The following SNED1 variants were observed in gnomAD, a reference collection of about 807,000 sequenced individuals.
SNED1 encodes the protein sushi, nidogen and EGF-like domain-containing protein 1.
SNED1 carries 81 observed loss-of-function variants against 166.7 expected under a neutral mutation model. The observed-to-expected ratio is 0.49, with a 90% CI of 0.41 to 0.58. The LOEUF (loss-of-function observed/expected upper bound fraction) is 0.58, where lower values mean the gene tolerates loss of function less well. SNED1 is among the 20% of genes least tolerant of loss of function. The probability of loss-of-function intolerance (pLI) is 0.00; values close to 1 mark genes in which losing one functional copy is unlikely to be tolerated. For synonymous variants in SNED1, 762 were observed against 822.0 expected, an observed-to-expected ratio of 0.93 and a Z score of 1.25; for missense variants, 1,604 against 2,000.2, an observed-to-expected ratio of 0.80 and a Z score of 3.78.
intron 1 of SNED1, among the ~76,000 whole-genome samples, chr2:241,011,476 A>T (rs1167783044): frequency 3.3e-5 from 5 of 152,220 alleles, no homozygotes; most frequent in Non-Finnish European, 7.3e-5. Flanking sequence ...CCGCCCCCGA[A>T]GTCAGGACGA....
intron 27 of SNED1, among the ~76,000 whole-genome samples, chr2:241,080,233 G>A (rs1234729285): frequency 1.3e-5 from 2 of 152,124 alleles, no homozygotes; most frequent in African/African-American, 4.8e-5. Context: ...ACAGTGAGCT[G>A]AGATCGCGAC....
At position 241,068,946 on chromosome 2, in the gene SNED1, T is replaced by C; in HGVS notation, c.3230T>C (p.Leu1077Pro). Residue 1077 changes from leucine to proline, a missense_variant, in exon 23 of 32, where the codon CTG (leucine) becomes CCG (proline). By Grantham distance (98) the Leu-to-Pro change is moderately conservative (BLOSUM62 -3). Around this residue, in one of 2 missense-constraint regions of SNED1, gnomAD observed 1,237 missense variants for 1,620.8 expected, o/e 0.76. Coordinates refer to ENST00000310397, the MANE Select transcript of SNED1 (RefSeq NM_001080437.3). This position sits in a 1 kb window ranked among gnomAD's most constrained non-coding sequence, Gnocchi z 5.3. ...CCTGGGAAGAGGTACACCATCCAGC[T>C]GACCACCCTCAGTGGGCTCAGGGGA... The part of the protein sequence containing the change: ...LLPGKRYTIQ[L>P]TTLSGLRGEE... 1 of 1,555,652 alleles carries C rather than the reference T, an allele frequency of 6.4e-7. No individual in the cohort carries two copies. The highest frequency in any genetic ancestry group is 8.7e-7 in the Non-Finnish European group (1 of 1,149,820).
chr2:241,037,067 G>A (rs949024160), intron 5 of SNED1, among the ~76,000 whole-genome samples, 152 bp downstream of exon 5: 3 of 152,104 alleles, frequency 2.0e-5, no homozygotes, highest in Non-Finnish European at 4.4e-5. Flanking sequence ...GGACCACTGG[G>A]GACCAAAGGC....
chr2:241,081,696 A>G lies in SNED1; in HGVS notation c.3936A>G (p.Ser1312=), dbSNP rs2063337232. Residue 1312 remains serine, a synonymous_variant, in exon 28 of 32, where the codon TCA becomes TCG. Coordinates refer to ENST00000310397, the MANE Select transcript of SNED1 (RefSeq NM_001080437.3). ...KDIGNVPGNC[S]ENPCQNGGTC... is the part of the protein sequence containing the mutation. The stretch of plus-strand genomic sequence containing the variant: ...TTCCAGACGTCCCTGGCAACTGTTC[A>G]GAAAACCCCTGTCAGAACGGAGGCA... 1.2e-6 allele frequency: 2 copies of G among 1,607,190 alleles called. No individual in the cohort carries two copies. The highest frequency in any genetic ancestry group is 1.7e-5 in the Admixed American group (1 of 59,148).
intron 1 of SNED1, among the ~76,000 whole-genome samples, chr2:241,003,021 C>T (rs949905176): frequency 6.6e-6 from 1 of 152,002 alleles, no homozygotes; most frequent in East Asian, 1.9e-4. Flanking sequence ...AGCCTGCCCT[C>T]CTCTGTGCAG....
At chr2:241,089,911 A>C (rs2063804141) in intron 31 of SNED1, 3 of 1,528,298 alleles carry the variant, frequency 2.0e-6, no homozygotes, top group Non-Finnish European at 2.6e-6. Context: ...ACACAGTGCC[A>C]AGTGTGTGTG....
At chr2:241,008,473 G>C (rs2060289175) in intron 1 of SNED1, among the ~76,000 whole-genome samples, 1 of 152,218 alleles carries the variant, frequency 6.6e-6, no homozygotes, top group African/African-American at 2.4e-5. Flanking sequence ...GGGTGTCCTG[G>C]TGTTCTGACT....
rs2062546864 is a variant in SNED1, at chr2:241,068,259, C to G, written c.3194+312C>G. 6.6e-6 allele frequency among the ~76,000 whole-genome samples: 1 copy of G among 151,892 alleles called. No homozygotes were observed. The highest frequency in any genetic ancestry group is 6.5e-5 in the Admixed American group (1 of 15,276). Reference sequence around the variant, plus strand: ...AGATCATGAGAGTGACTTGGCCCCTCAGAGAGCAGCGGCCAGCGAGGGTAG... The same window carrying G: ...AGATCATGAGAGTGACTTGGCCCCTGAGAGAGCAGCGGCCAGCGAGGGTAG... On this transcript the variant is annotated intron_variant, in intron 22 of 31. Transcript: ENST00000310397. This position sits in a 1 kb window ranked among gnomAD's most constrained non-coding sequence, Gnocchi z 5.3.
intron 6 of SNED1, among the ~76,000 whole-genome samples, chr2:241,037,719 A>C (rs60715279): frequency 6.6e-6 from 1 of 152,082 alleles, no homozygotes; most frequent in Non-Finnish European, 1.5e-5. Flanking sequence ...ACCCCCTCTC[A>C]GCCCAGGACC....
intron 28 of SNED1, 115 bp downstream of exon 28, chr2:241,081,908 A>ACTCCCTGTCTGG: frequency 1.3e-6 from 1 of 787,100 alleles, no homozygotes; most frequent in Non-Finnish European, 2.1e-6. Context: ...GAGGTGCCAG[A>ACTCCCTGTCTGG]CAGGGAGTCT....
rs1048652787 is a variant in SNED1 at position 241,013,540 on chromosome 2, A to G, written c.213+14490A>G. On this transcript the variant is annotated intron_variant, in intron 1 of 31. Coordinates refer to ENST00000310397, the MANE Select transcript of SNED1 (RefSeq NM_001080437.3). This position sits in a 1 kb window ranked among gnomAD's most constrained non-coding sequence, Gnocchi z 4.6. ...TTTTTTGTAGAGACAGGGTCTTGCTATGTTGTCCAGGCTGGTCTTGAACTC... is the reference window on the plus strand; with the variant it reads ...TTTTTTGTAGAGACAGGGTCTTGCTGTGTTGTCCAGGCTGGTCTTGAACTC... Among the ~76,000 whole-genome samples, 1 of 151,684 alleles carries G rather than the reference A, an allele frequency of 6.6e-6. No homozygotes were observed. The highest frequency in any genetic ancestry group is 1.5e-5 in the Non-Finnish European group (1 of 67,906).
chr2:241,016,432 A>C (rs923312735), intron 1 of SNED1, among the ~76,000 whole-genome samples: 10 of 152,074 alleles, frequency 6.6e-5, no homozygotes, highest in African/African-American at 2.2e-4. Context: ...ATCTGACCTC[A>C]TGATCCTCCT....
chr2:241,036,850 T>A lies in SNED1; in HGVS notation c.866T>A (p.Val289Asp). The change falls in exon 5 of 32, where the codon GTC (valine) becomes GAC (aspartate). Residue 289 changes from valine to aspartate, a missense_variant. Coordinates refer to ENST00000310397, the MANE Select transcript of SNED1 (RefSeq NM_001080437.3). ...GGCGGCAAGTGCATCGACGACTGCG[T>A]CACGGGCAACCCCTCCTACACCTGC... Reference protein sequence around the residue: ...LNGGKCIDDCVTGNPSYTCSC... With the variant: ...LNGGKCIDDCDTGNPSYTCSC... The A allele has an allele frequency of 6.2e-7, 1 of 1,611,682 alleles. No individual in the cohort carries two copies. The highest frequency in any genetic ancestry group is 2.2e-5 in the East Asian group (1 of 44,830).
At chr2:241,076,865 G>A (rs2063045902) in intron 27 of SNED1, among the ~76,000 whole-genome samples, 1 of 152,244 alleles carries the variant, frequency 6.6e-6, no homozygotes, top group South Asian at 2.1e-4. Context: ...GCCGAGGCGG[G>A]CGGATCACCA....
At chr2:241,058,133 C>T (rs1453850735) in intron 16 of SNED1, among the ~76,000 whole-genome samples, 2 of 152,010 alleles carry the variant, frequency 1.3e-5, no homozygotes, top group African/African-American at 2.4e-5. Flanking sequence ...TCAAAGCTGG[C>T]GTATTAGCTA....
intron 27 of SNED1, among the ~76,000 whole-genome samples, chr2:241,076,830 G>A (rs1210153628): frequency 2.0e-5 from 3 of 152,038 alleles, no homozygotes; most frequent in Admixed American, 6.5e-5. Flanking sequence ...AGTGGCTCAG[G>A]CCTGTAATCC....
At chr2:241,043,452 C>A (rs920722998) in intron 8 of SNED1, among the ~76,000 whole-genome samples, 4 of 151,770 alleles carry the variant, frequency 2.6e-5, no homozygotes, top group African/African-American at 9.7e-5. Flanking sequence ...GACTTTTTTA[C>A]ACAAACAAAA....
intron 29 of SNED1, among the ~76,000 whole-genome samples, chr2:241,083,469 G>A (rs1488116318): frequency 6.6e-6 from 1 of 152,210 alleles, no homozygotes; most frequent in Non-Finnish European, 1.5e-5. Flanking sequence ...TGTGGAGAAT[G>A]GGATGTAGAC....
chr2:241,063,879 C>T (rs1436550612), intron 18 of SNED1, 133 bp from the exon 19 acceptor site: 10 of 660,048 alleles, frequency 1.5e-5, no homozygotes, highest in Admixed American at 7.8e-5. Context: ...GGCTGAGGGG[C>T]GGGACCTGCC....
Sources: gnomAD v4.1 joint callset for allele counts (sites outside exome capture counted in the v4.1 genomes callset) on GRCh38, gnomAD v4.1.1 for gene constraint, gnomAD v4.1.1 regional missense constraint, Gnocchi (gnomAD v3.1) non-coding constraint, MANE v1.5 for transcripts, NCBI Gene and HGNC (gene_info 2026-07-23, HGNC 2026-07-21) for gene names.